Variants in KCNH6 observed in about 807,000 individuals in gnomAD.
KCNH6 encodes the protein voltage-gated inwardly rectifying potassium channel KCNH6.
A neutral mutation model predicts 83.4 loss-of-function variants in KCNH6; 81 were observed. The ratio of observed to expected loss-of-function variants is 0.97; its 90% CI spans 0.81 to 1.17. KCNH6 has a LOEUF of 1.17. Ranked by LOEUF, KCNH6 falls within the 50% of genes most tolerant of loss-of-function variation. The probability of loss-of-function intolerance (pLI) is 0.00; values close to 1 mark genes in which losing one functional copy is unlikely to be tolerated. For missense variants in KCNH6, 1,203 were observed against 1,290.5 expected (o/e 0.93, Z 1.04); for synonymous variants, 503 against 545.6 (o/e 0.92, Z 1.09).
Position 63,530,090 on chromosome 17 carries a change from G to T in KCNH6, c.308-1G>T, listed in dbSNP as rs2031984711. ...CCCCATCCTCCCAATGGTGTTCGCA[G>T]CCTCCAGCTTCCGCTGCCTGGTAGA... On this transcript the variant is annotated splice_acceptor_variant, in intron 2 of 12. Transcript: ENST00000314672. LOFTEE classifies it high-confidence loss of function. 6.2e-7 allele frequency: 1 copy of T among 1,612,852 alleles called. No homozygotes were observed. Among genetic ancestry groups the T allele is most frequent in the Non-Finnish European group, 8.5e-7 (1 of 1,179,982 alleles).
At position 63,534,305 on chromosome 17, in the gene KCNH6, C is replaced by T. The variant is rs773843120; in HGVS notation, c.1095C>T (p.Ser365=). ...ACCTCCTGATCTTCCGCACTGGCTC[C>T]GATGAGGTGAGCAGACCCCCTCCAG... ...PFDLLIFRTG[S]DETTTLIGLL... The change falls in exon 5 of 13, where the codon TCC becomes TCT. Residue 365 remains serine (S), a synonymous_variant. Transcript: ENST00000314672. This position sits in a 1 kb window ranked among gnomAD's most constrained non-coding sequence, Gnocchi z 5.0. 3.2e-5 allele frequency: 52 copies of T among 1,610,582 alleles called. No individual in the cohort carries two copies. The highest frequency in any genetic ancestry group is 1.7e-4 in the Middle Eastern group (1 of 6,048).
At chr17:63,543,976 C>A in intron 10 of KCNH6, 1 of 1,183,236 alleles carries the variant, frequency 8.5e-7, no homozygotes, top group Non-Finnish European at 1.2e-6. Flanking sequence ...GCTCCCTGGG[C>A]AGTGAAACCA....
chr17:63,546,046 A>G lies in KCNH6; in HGVS notation c.*144A>G. ...GCGGGCGGATCAGACCATCCTGGCT[A>G]ACACGGTGAAACCCCACCTCTACTA... On this transcript the variant is annotated 3_prime_UTR_variant, in exon 13 of 13. Coordinates refer to ENST00000314672, the MANE Select transcript of KCNH6 (RefSeq NM_001278919.2). The G allele has an allele frequency of 1.5e-6, 1 of 656,088 alleles. No homozygotes were observed. Among genetic ancestry groups the G allele is most frequent in the Non-Finnish European group, 2.6e-6 (1 of 390,118 alleles). The allele number at this position is 656,088 out of a possible 1,614,324, so 40.6% of individuals were successfully genotyped here.
At position 63,530,215 on chromosome 17, in the gene KCNH6, G is replaced by A. The variant is rs778925073; in HGVS notation, c.432G>A (p.Leu144=). The A allele has an allele frequency of 5.6e-6, 9 of 1,614,044 alleles. No individual in the cohort carries two copies. The East Asian group carries it at 2.0e-4, about 36-fold the overall frequency. The change falls in exon 3 of 13, where the codon TTG becomes TTA. Residue 144 remains leucine, a synonymous_variant. Coordinates refer to ENST00000314672, the MANE Select transcript of KCNH6 (RefSeq NM_001278919.2). ...TGGCCAAGTGCAGCAGCCGCAGCTTGTCCCAGCGCCTGTTGTCCCAGAGCT... is the reference window on the plus strand; with the variant it reads ...TGGCCAAGTGCAGCAGCCGCAGCTTATCCCAGCGCCTGTTGTCCCAGAGCT... ...QLLAKCSSRS[L]SQRLLSQSFL... is the part of the protein sequence containing the mutation.
downstream of KCNH6, among the ~76,000 whole-genome samples, chr17:63,548,076 T>G (rs61022677): frequency 0.013 from 1,961 of 150,274 alleles, 38 homozygotes; most frequent in African/African-American, 0.045. Flanking sequence ...CCATCCTGGC[T>G]AACAGGGTGA....
At chr17:63,543,686 ACCAGCCTGTAGCCCCTGCCCAG>A in intron 10 of KCNH6, 26 bp downstream of exon 10, 5 of 1,302,030 alleles carry the variant, frequency 3.8e-6, no homozygotes, top group Non-Finnish European at 5.3e-6. Flanking sequence ...CCCCACCCCC[ACCAGCCTGTAGCCCCTGCCCAG>A]CCTCCTACCC....
chr17:63,530,947 G>T (rs754705556), intron 4 of KCNH6, among the ~76,000 whole-genome samples: 2 of 152,152 alleles, frequency 1.3e-5, no homozygotes, highest in Non-Finnish European at 2.9e-5. Flanking sequence ...GTGTGGGGGG[G>T]GGTCCCAGCC....
chr17:63,538,760 AT>A lies in KCNH6; in HGVS notation c.1954+102del. ...CCAGGCCACCCTCTTCCTGATGAGG[AT>A]TTTACTTTTACTGGCAGCCACTTGC... is the stretch of plus-strand genomic sequence containing the variant. On this transcript the variant is annotated intron_variant, in intron 8 of 12. Coordinates refer to ENST00000314672, the MANE Select transcript of KCNH6 (RefSeq NM_001278919.2). This position sits in a 1 kb window ranked among gnomAD's most constrained non-coding sequence, Gnocchi z 4.0. 1 of 1,309,282 alleles carries A rather than the reference AT, an allele frequency of 7.6e-7. No homozygotes were observed. Among genetic ancestry groups the A allele is most frequent in the Non-Finnish European group, 1.0e-6 (1 of 956,940 alleles). The allele number at this position is 1,309,282 out of a possible 1,614,324, so 81.1% of individuals were successfully genotyped here.
rs150553612 is a variant in KCNH6, at chr17:63,524,191, C to T, written c.129C>T (p.Tyr43=). 305 of 1,614,148 alleles carry T rather than the reference C, an allele frequency of 1.9e-4. 3 individuals carry two copies. In the African/African-American group the frequency reaches 3.7e-3, roughly 19 times the overall value. Residue 43 remains tyrosine (Y), a synonymous_variant, in exon 2 of 13, where the codon TAC becomes TAT. Coordinates refer to ENST00000314672, the MANE Select transcript of KCNH6 (RefSeq NM_001278919.2). ...AGATGGAGAACTGCGCCATCATTTA[C>T]TGCAACGACGGCTTCTGCGAACTCT... ...NAQMENCAII[Y]CNDGFCELFG...
At position 63,534,062 on chromosome 17, in the gene KCNH6, T is replaced by C. The variant is rs7225568; in HGVS notation, c.852T>C (p.Asp284=). The stretch of plus-strand genomic sequence containing the variant: ...ACTCAGCCGCCTTCCTGCTCAGCGA[T>C]CAGGACGAATCACGGCGTGGGGCCT... The part of the protein sequence containing the change: ...TPYSAAFLLS[D]QDESRRGACS... The change falls in exon 5 of 13, where the codon GAT becomes GAC. Residue 284 remains aspartate, a synonymous_variant. Coordinates refer to ENST00000314672, the MANE Select transcript of KCNH6 (RefSeq NM_001278919.2). This position sits in a 1 kb window ranked among gnomAD's most constrained non-coding sequence, Gnocchi z 5.0. 0.56 allele frequency: 897,765 copies of C among 1,613,442 alleles called. 255,147 individuals are homozygous for C. The highest frequency in any genetic ancestry group is 0.68 in the Middle Eastern group (4,098 of 6,030).
chr17:63,545,617 C>T lies in KCNH6; in HGVS notation c.2592C>T (p.Ser864=). Residue 864 remains serine (S), a synonymous_variant, in exon 13 of 13, where the codon AGC becomes AGT. Coordinates refer to ENST00000314672, the MANE Select transcript of KCNH6 (RefSeq NM_001278919.2). The part of the protein sequence containing the change: ...QGFLPPAQTP[S]YGDLDDCSPK... ...TTTCTTGCTCCTCCCAGACCCCAAG[C>T]TATGGAGACTTGGATGACTGTAGTC... is the stretch of plus-strand genomic sequence containing the variant. The T allele has an allele frequency of 6.2e-7, 1 of 1,613,016 alleles. No individual in the cohort carries two copies. The highest frequency in any genetic ancestry group is 8.5e-7 in the Non-Finnish European group (1 of 1,179,414).
Position 63,534,389 on chromosome 17 carries a change from C to G in KCNH6, c.1101+78C>G. Reference sequence around the variant, plus strand: ...CTCAAGCCCTCCCTGCTGCACAGCACTGGGTGCGGAGAGTATCTGGCACTG... The same window carrying G: ...CTCAAGCCCTCCCTGCTGCACAGCAGTGGGTGCGGAGAGTATCTGGCACTG... On this transcript the variant is annotated intron_variant, in intron 5 of 12. Transcript: ENST00000314672. This position sits in a 1 kb window ranked among gnomAD's most constrained non-coding sequence, Gnocchi z 5.0. The G allele has an allele frequency of 7.1e-7, 1 of 1,408,076 alleles. No individual in the cohort carries two copies. The highest frequency in any genetic ancestry group is 9.7e-7 in the Non-Finnish European group (1 of 1,030,700). The allele number at this position is 1,408,076 out of a possible 1,614,324, so 87.2% of individuals were successfully genotyped here. A position where few individuals can be genotyped will look rare whatever the true frequency, so the allele number is the denominator to read the frequency against.
At chr17:63,547,510 C>G (rs1009759568), downstream of KCNH6, among the ~76,000 whole-genome samples, 1 of 7,920 alleles carries the variant, frequency 1.3e-4, no homozygotes, top group Non-Finnish European at 2.8e-4. Context: ...ATTTTAAAAA[C>G]ACAAGAAACC....
chr17:63,524,657 T>C (rs954184022), intron 2 of KCNH6, among the ~76,000 whole-genome samples: 1 of 152,196 alleles, frequency 6.6e-6, no homozygotes, highest in Non-Finnish European at 1.5e-5. Context: ...TCCACTATCT[T>C]ACTGTCAGCC....
chr17:63,534,041 AGCC>A lies in KCNH6; in HGVS notation c.835_837del (p.Ala279del). 6.2e-7 allele frequency: 1 copy of A among 1,614,068 alleles called. No homozygotes were observed. Among genetic ancestry groups the A allele is most frequent in the South Asian group, 1.1e-5 (1 of 91,078 alleles). On this transcript the variant is annotated inframe_deletion, in exon 5 of 13. Transcript: ENST00000314672. The surrounding 1 kb of genome is among the most constrained non-coding windows in gnomAD (Gnocchi z 5.0). Reference sequence around the variant, plus strand: ...ACACGGCTGTCTTCACGCCCTACTCAGCCGCCTTCCTGCTCAGCGATCAGGACG... The same window carrying A: ...ACACGGCTGTCTTCACGCCCTACTCAGCCTTCCTGCTCAGCGATCAGGACG...
chr17:63,544,220 C>T, intron 10 of KCNH6, 29 bp from the exon 11 acceptor site: 1 of 1,589,524 alleles, frequency 6.3e-7, no homozygotes, highest in East Asian at 2.3e-5. Context: ...CAGCTAGGCC[C>T]AGCTGAGACT....
In KCNH6 at chr17:63,538,071, T is replaced by A. The variant is rs199756290; in HGVS notation, c.1508T>A (p.Met503Lys). 6.2e-6 allele frequency: 10 copies of A among 1,613,348 alleles called. No individual in the cohort carries two copies. The highest frequency in any genetic ancestry group is 1.6e-4 in the Middle Eastern group (1 of 6,062). ...CTCTCCGCCCCGCCCCCAGCCCTGA[T>A]GTACGCCAGCATCTTCGGGAACGTG... Reference protein sequence around the residue: ...SICVMLIGSLMYASIFGNVSA... With the variant: ...SICVMLIGSLKYASIFGNVSA... The change falls in exon 7 of 13, where the codon ATG (methionine) becomes AAG (lysine). Residue 503 changes from methionine (M) to lysine (K), a missense_variant. Physicochemically the swap from Met to Lys is moderately conservative, Grantham distance 95 (BLOSUM62 -1). Transcript: ENST00000314672. The surrounding 1 kb of genome is among the most constrained non-coding windows in gnomAD (Gnocchi z 4.0).
At chr17:63,524,063 A>G in intron 1 of KCNH6, 76 bp from the exon 2 acceptor site, 7 of 1,001,344 alleles carry the variant, frequency 7.0e-6, no homozygotes, top group Non-Finnish European at 1.1e-5. Context: ...TGCCACCAAG[A>G]GTCCTTATGA....
At chr17:63,537,364 A>T (rs1664808639) in intron 6 of KCNH6, among the ~76,000 whole-genome samples, 1 of 152,214 alleles carries the variant, frequency 6.6e-6, no homozygotes. Flanking sequence ...GAGATATGAA[A>T]GTCCAGAAAA....
Sources: allele counts gnomAD v4.1 joint callset (sites outside exome capture counted in the v4.1 genomes callset), GRCh38; gene constraint gnomAD v4.1.1; non-coding constraint Gnocchi (gnomAD v3.1); transcripts MANE v1.5; gene names NCBI Gene and HGNC (gene_info 2026-07-23, HGNC 2026-07-21).